The following GMDS variants were observed in gnomAD, a reference collection of about 807,000 sequenced individuals.
GMDS encodes the protein GDP-mannose 4,6 dehydratase.
GMDS carries 20 observed loss-of-function variants against 49.9 expected under a neutral mutation model. The ratio of observed to expected loss-of-function variants is 0.40; its 90% CI spans 0.28 to 0.58. GMDS has a LOEUF of 0.58. GMDS is among the 20% of genes least tolerant of loss of function. The pLI, the probability that GMDS is intolerant of heterozygous loss-of-function variation, is 0.42. For missense variants in GMDS, 362 were observed against 481.4 expected, an observed-to-expected ratio of 0.75 and a Z score of 2.32; for synonymous variants, 177 against 178.6, an observed-to-expected ratio of 0.99 and a Z score of 0.07.
intron 4 of GMDS, among the ~76,000 whole-genome samples, chr6:2,016,482 C>T (rs900653533): frequency 4.6e-5 from 7 of 152,094 alleles, no homozygotes; most frequent in African/African-American, 9.7e-5. Context: ...CAAAAGGAGA[C>T]AGAATCAAAT....
chr6:2,070,405 A>C (rs1313648454), intron 4 of GMDS, among the ~76,000 whole-genome samples: 1 of 152,074 alleles, frequency 6.6e-6, no homozygotes, highest in East Asian at 1.9e-4. Context: ...GTACCGTAAA[A>C]CCTAAAGTAT....
At chr6:1,907,944 G>T (rs1237398262) in intron 7 of GMDS, among the ~76,000 whole-genome samples, 1 of 152,108 alleles carries the variant, frequency 6.6e-6, no homozygotes, top group African/African-American at 2.4e-5. Context: ...ACATATCCAC[G>T]ATAAATCGTT....
intron 4 of GMDS, among the ~76,000 whole-genome samples, chr6:2,012,844 A>C (rs1451468109): frequency 1.3e-5 from 2 of 152,140 alleles, no homozygotes; most frequent in Non-Finnish European, 2.9e-5. Flanking sequence ...GCTCCAAGAC[A>C]GTCTTTACGG....
intron 7 of GMDS, among the ~76,000 whole-genome samples, chr6:1,893,034 G>T (rs569395749): frequency 4.6e-5 from 7 of 152,138 alleles, no homozygotes; most frequent in Admixed American, 2.0e-4. Context: ...AGAGGGCAAC[G>T]AAAGTGCAAG....
At chr6:1,998,873 C>CTTTT (rs202033146) in intron 4 of GMDS, among the ~76,000 whole-genome samples, 12 of 114,776 alleles carry the variant, frequency 1.0e-4, no homozygotes, top group East Asian at 4.3e-4. Context: ...TAAAGGAAAA[C>CTTTT]TGTTTTTTTT....
intron 4 of GMDS, among the ~76,000 whole-genome samples, chr6:2,017,102 G>A (rs1045474093): frequency 7.2e-5 from 11 of 152,072 alleles, no homozygotes; most frequent in African/African-American, 2.7e-4. Flanking sequence ...AATCAATGAA[G>A]CCAAAGGTAA....
intron 4 of GMDS, among the ~76,000 whole-genome samples, chr6:2,081,804 G>C (rs137971045): frequency 6.6e-6 from 1 of 152,056 alleles, no homozygotes. Flanking sequence ...GTTCTAATGA[G>C]GTCTTTGGAA....
intron 7 of GMDS, among the ~76,000 whole-genome samples, chr6:1,867,681 G>T (rs578027012): frequency 2.0e-5 from 3 of 152,288 alleles, no homozygotes; most frequent in Admixed American, 1.3e-4. Flanking sequence ...GGAGATATGA[G>T]AAAATTTCCC....
At chr6:2,152,104 T>C (rs1776872731) in intron 1 of GMDS, among the ~76,000 whole-genome samples, 1 of 152,150 alleles carries the variant, frequency 6.6e-6, no homozygotes, top group South Asian at 2.1e-4. Context: ...TCTGAAAATA[T>C]CAATATAGTA....
chr6:1,822,680 A>G (rs1770947525), intron 7 of GMDS, among the ~76,000 whole-genome samples: 1 of 151,710 alleles, frequency 6.6e-6, no homozygotes, highest in South Asian at 2.1e-4. Context: ...ATACAAATAA[A>G]CCAAAAGTAG....
intron 1 of GMDS, among the ~76,000 whole-genome samples, chr6:2,132,005 A>T (rs1418911611): frequency 1.3e-5 from 2 of 152,190 alleles, no homozygotes; most frequent in African/African-American, 4.8e-5. Flanking sequence ...GTATATGCCC[A>T]GTATGCACTA....
At position 2,189,607 on chromosome 6, in the gene GMDS, C is replaced by T. The variant is rs576246052; in HGVS notation, c.102+55714G>A. 3.9e-5 allele frequency among the ~76,000 whole-genome samples: 6 copies of T among 152,298 alleles called. No individual in the cohort carries two copies. In the East Asian group the frequency reaches 1.2e-3, roughly 29 times the overall value. ...CCCTCTGTGCTCTGCTCACTCTGCA[C>T]TTCATAATCTCCTGCCTTCATAGTT... On this transcript the variant is annotated intron_variant, in intron 1 of 10. Coordinates refer to ENST00000380815, the MANE Select transcript of GMDS (RefSeq NM_001500.4).
At chr6:1,793,567 G>A (rs1317328419) in intron 7 of GMDS, among the ~76,000 whole-genome samples, 3 of 152,160 alleles carry the variant, frequency 2.0e-5, no homozygotes, top group Non-Finnish European at 2.9e-5. Flanking sequence ...GGATGTTTCT[G>A]AGCCACCGCA....
intron 9 of GMDS, among the ~76,000 whole-genome samples, chr6:1,671,557 G>T (rs910331335): frequency 6.6e-6 from 1 of 151,938 alleles, no homozygotes; most frequent in Non-Finnish European, 1.5e-5. Context: ...CGGAATCAAC[G>T]ATATCATTCT....
intron 1 of GMDS, among the ~76,000 whole-genome samples, chr6:2,184,814 C>T (rs1435938890): frequency 6.6e-6 from 1 of 152,216 alleles, no homozygotes; most frequent in Non-Finnish European, 1.5e-5. Context: ...CTCTTGTTTT[C>T]TGTGTTTATA....
chr6:2,126,835 T>C (rs1034453113), intron 1 of GMDS, among the ~76,000 whole-genome samples: 3 of 152,150 alleles, frequency 2.0e-5, no homozygotes, highest in African/African-American at 7.2e-5. Context: ...GTTTTCACCA[T>C]GTTGGCCAGG....
At chr6:2,244,690 C>T (rs1781777774) in intron 1 of GMDS, among the ~76,000 whole-genome samples, 2 of 152,182 alleles carry the variant, frequency 1.3e-5, no homozygotes, top group South Asian at 4.1e-4. Flanking sequence ...CAGTGTGCCT[C>T]GGATACACTT....
intron 4 of GMDS, among the ~76,000 whole-genome samples, chr6:2,081,591 A>G (rs1394117115): frequency 2.0e-5 from 3 of 152,154 alleles, no homozygotes; most frequent in Non-Finnish European, 4.4e-5. Flanking sequence ...GGGGAAAAAA[A>G]AAGCCAATGT....
chr6:1,686,103 G>A (rs1029032666), intron 9 of GMDS, among the ~76,000 whole-genome samples: 6 of 152,150 alleles, frequency 3.9e-5, no homozygotes, highest in African/African-American at 9.7e-5. Context: ...CAGAAGAAGC[G>A]AAGTCTGTAG....
Sources: allele counts gnomAD v4.1 joint callset (sites outside exome capture counted in the v4.1 genomes callset), GRCh38; gene constraint gnomAD v4.1.1; transcripts MANE v1.5; gene names NCBI Gene and HGNC (gene_info 2026-07-23, HGNC 2026-07-21).